The following PCDHGB7 variants were observed in gnomAD, a reference collection of about 807,000 sequenced individuals.
PCDHGB7 encodes protocadherin gamma subfamily B, 7, also known as protocadherin gamma-B7.
Under a neutral mutation model 61.4 loss-of-function variants are expected in PCDHGB7, and 37 were observed. The ratio of observed to expected loss-of-function variants is 0.60; its 90% confidence interval spans 0.46 to 0.79. The LOEUF is 0.79. PCDHGB7 is among the 30% of genes least tolerant of loss of function. The probability of loss-of-function intolerance (pLI) is 0.00; values close to 1 mark genes in which losing one functional copy is unlikely to be tolerated. For missense variants in PCDHGB7, 1,166 were observed against 1,202.5 expected, an observed-to-expected ratio of 0.97 and a Z score of 0.45; for synonymous variants, 464 against 503.5, an observed-to-expected ratio of 0.92 and a Z score of 1.05.
chr5:141,425,890 G>A (rs943076854), intron 1 of PCDHGB7, among the ~76,000 whole-genome samples: 1 of 152,118 alleles, frequency 6.6e-6, no homozygotes, highest in Non-Finnish European at 1.5e-5. Flanking sequence ...AATCTTCTTT[G>A]GTAGTAAACA....
chr5:141,506,935 G>A (rs1375246477), intron 3 of PCDHGB7, among the ~76,000 whole-genome samples: 3 of 152,116 alleles, frequency 2.0e-5, no homozygotes, highest in African/African-American at 7.2e-5. Context: ...AACTTTAGGG[G>A]CCTCCTGTCA....
At position 141,432,379 on chromosome 5, in the gene PCDHGB7, G is replaced by A; in HGVS notation, c.2415+12105G>A. On this transcript the variant is annotated intron_variant, in intron 1 of 3. Transcript: ENST00000398594. The surrounding 1 kb of genome is among the most constrained non-coding windows in gnomAD (Gnocchi z 6.0). ...TGATGGCGCGGGACAACGGGCACCC[G>A]CCCCTCAGCAGCAACGTGTCGTTGA... 1.2e-6 allele frequency: 2 copies of A among 1,614,208 alleles called. No homozygotes were observed. The highest frequency in any genetic ancestry group is 1.7e-6 in the Non-Finnish European group (2 of 1,180,038).
intron 1 of PCDHGB7, among the ~76,000 whole-genome samples, chr5:141,434,767 C>T (rs2097715264): frequency 6.6e-6 from 1 of 151,182 alleles, no homozygotes. Flanking sequence ...CCACTTCACA[C>T]TTCTAAAAAA....
chr5:141,421,854 C>CCTG (rs761444125), intron 1 of PCDHGB7: 2 of 1,613,762 alleles, frequency 1.2e-6, no homozygotes, highest in Non-Finnish European at 1.7e-6. Flanking sequence ...AGGCTGCTCA[C>CCTG]CTGCTCCTCC....
intron 1 of PCDHGB7, among the ~76,000 whole-genome samples, chr5:141,462,771 G>C (rs1295560657): frequency 6.6e-6 from 1 of 152,088 alleles, no homozygotes; most frequent in Non-Finnish European, 1.5e-5. Context: ...CTGGCTTGGG[G>C]TCATAATTTG....
chr5:141,485,563 C>A lies in PCDHGB7; in HGVS notation c.2416-9244C>A. 2 of 1,612,904 alleles carry A rather than the reference C, an allele frequency of 1.2e-6. No individual in the cohort carries two copies. The highest frequency in any genetic ancestry group is 1.7e-6 in the Non-Finnish European group (2 of 1,179,034). ...AGATCGTAGATGTGAATGATCACGC[C>A]CCCCGTTTTCCGCGGCAGCAGCTGG... On this transcript the variant is annotated intron_variant, in intron 1 of 3. Coordinates refer to ENST00000398594, the MANE Select transcript of PCDHGB7 (RefSeq NM_018927.4). This position sits in a 1 kb window ranked among gnomAD's most constrained non-coding sequence, Gnocchi z 5.7.
chr5:141,486,166 G>A lies in PCDHGB7; in HGVS notation c.2416-8641G>A. ...GCGATGGGGGTTCTCCAGCCATGGA[G>A]CAACATTGCAGCCTTCGAGTGGATC... On this transcript the variant is annotated intron_variant, in intron 1 of 3. Coordinates refer to ENST00000398594, the MANE Select transcript of PCDHGB7 (RefSeq NM_018927.4). The surrounding 1 kb of genome is among the most constrained non-coding windows in gnomAD (Gnocchi z 5.0). The A allele has an allele frequency of 2.5e-6, 4 of 1,614,224 alleles. No individual in the cohort carries two copies. The highest frequency in any genetic ancestry group is 3.4e-6 in the Non-Finnish European group (4 of 1,180,040).
At chr5:141,500,145 T>C (rs2099796736) in intron 2 of PCDHGB7, among the ~76,000 whole-genome samples, 2 of 151,992 alleles carry the variant, frequency 1.3e-5, no homozygotes, top group East Asian at 3.9e-4. Context: ...TAAACTTTTC[T>C]TTGTGTAATC....
At chr5:141,461,133 T>C (rs2099009646) in intron 1 of PCDHGB7, among the ~76,000 whole-genome samples, 1 of 152,086 alleles carries the variant, frequency 6.6e-6, no homozygotes, top group South Asian at 2.1e-4. Flanking sequence ...TAATTACTTA[T>C]TTTCCTTTGG....
chr5:141,428,001 T>C (rs149531447), intron 1 of PCDHGB7: 1 of 1,601,704 alleles, frequency 6.2e-7, no homozygotes, highest in Admixed American at 1.7e-5. Flanking sequence ...CTCCGCACTC[T>C]TCGATATAGT....
At chr5:141,425,321 G>A (rs1020940689) in intron 1 of PCDHGB7, among the ~76,000 whole-genome samples, 2 of 152,182 alleles carry the variant, frequency 1.3e-5, no homozygotes, top group South Asian at 2.1e-4. Flanking sequence ...CAAGATCGTG[G>A]AGAACAAAAA....
intron 1 of PCDHGB7, among the ~76,000 whole-genome samples, chr5:141,438,621 TATATATATATATATAC>T (rs1472935962): frequency 0.016 from 652 of 41,356 alleles, 15 homozygotes; most frequent in East Asian, 0.15. Flanking sequence ...TATATATATA[TATATATATATATATAC>T]ACACACACAC....
chr5:141,458,390 C>T (rs2098944487), intron 1 of PCDHGB7, among the ~76,000 whole-genome samples: 1 of 152,058 alleles, frequency 6.6e-6, no homozygotes, highest in Non-Finnish European at 1.5e-5. Context: ...GAAGACGCTC[C>T]CCCTTGCAGA....
At chr5:141,420,469 T>C in intron 1 of PCDHGB7, 195 bp downstream of exon 1, 1 of 724,306 alleles carries the variant, frequency 1.4e-6, no homozygotes. Flanking sequence ...AAAGACATTT[T>C]AAAGCAAACT....
intron 1 of PCDHGB7, among the ~76,000 whole-genome samples, chr5:141,462,442 A>C (rs890167032): frequency 1.3e-5 from 2 of 152,150 alleles, no homozygotes; most frequent in African/African-American, 4.8e-5. Context: ...GCTTACACAC[A>C]ACTGTGTAAC....
intron 3 of PCDHGB7, among the ~76,000 whole-genome samples, chr5:141,506,879 G>T (rs958969109): frequency 6.6e-6 from 1 of 152,172 alleles, no homozygotes; most frequent in Non-Finnish European, 1.5e-5. Flanking sequence ...AGAACCAGGT[G>T]AAATCACAAG....
chr5:141,472,230 C>T (rs1274096264), intron 1 of PCDHGB7, among the ~76,000 whole-genome samples: 1 of 152,116 alleles, frequency 6.6e-6, no homozygotes, highest in Non-Finnish European at 1.5e-5. Flanking sequence ...TCATATAATA[C>T]ATTCACTTTC....
Position 141,431,883 on chromosome 5 carries a change from A to T in PCDHGB7, c.2415+11609A>T, listed in dbSNP as rs748968989. 6.8e-6 allele frequency: 11 copies of T among 1,614,118 alleles called. No individual in the cohort carries two copies. The highest frequency in any genetic ancestry group is 1.1e-5 in the South Asian group (1 of 91,084). On this transcript the variant is annotated intron_variant, in intron 1 of 3. Transcript: ENST00000398594. The surrounding 1 kb of genome is among the most constrained non-coding windows in gnomAD (Gnocchi z 4.8). ...GCCCTTTTAAATGTAAATGACCAAG[A>T]TTCTGAGGAAAACGGACAGGTGATC...
chr5:141,491,747 G>C lies in PCDHGB7; in HGVS notation c.2416-3060G>C. 6.3e-7 allele frequency: 1 copy of C among 1,591,872 alleles called. No homozygotes were observed. The highest frequency in any genetic ancestry group is 8.5e-7 in the Non-Finnish European group (1 of 1,170,328). ...CGGGCGACCCCTGGGGGCGGCACTG[G>C]AGAAGCCGCCCGTCCTCATAAGGGA... On this transcript the variant is annotated intron_variant, in intron 1 of 3. Transcript: ENST00000398594. This position sits in a 1 kb window ranked among gnomAD's most constrained non-coding sequence, Gnocchi z 6.9.
Sources: allele counts gnomAD v4.1 joint callset (sites outside exome capture counted in the v4.1 genomes callset), GRCh38; gene constraint gnomAD v4.1.1; non-coding constraint Gnocchi (gnomAD v3.1); transcripts MANE v1.5; gene names NCBI Gene and HGNC (gene_info 2026-07-23, HGNC 2026-07-21).